The following NELL2 variants were observed in gnomAD, a reference collection of about 807,000 sequenced individuals.
NELL2 encodes the protein neural EGFL like 2.
NELL2 carries 41 observed loss-of-function variants against 109.6 expected under a neutral mutation model. That is an observed-to-expected ratio of 0.37 (90% confidence interval 0.29 to 0.49). NELL2 has a LOEUF of 0.49. Among genes scored for constraint, NELL2 ranks in the 20% least tolerant of loss-of-function variants. The probability of loss-of-function intolerance (pLI) is 0.98; values close to 1 mark genes in which losing one functional copy is unlikely to be tolerated. For missense variants in NELL2, 900 were observed against 1,008.3 expected, an observed-to-expected ratio of 0.89 and a Z score of 1.45; for synonymous variants, 355 against 344.7, an observed-to-expected ratio of 1.03 and a Z score of -0.33.
intron 13 of NELL2, among the ~76,000 whole-genome samples, chr12:44,640,779 C>T (rs188067100): frequency 7.2e-5 from 11 of 152,134 alleles, no homozygotes; most frequent in Admixed American, 6.5e-4. Context: ...AAGAAGAATG[C>T]TTTTCTGTTC....
At chr12:44,742,008 C>T (rs910324557) in intron 9 of NELL2, among the ~76,000 whole-genome samples, 3 of 152,184 alleles carry the variant, frequency 2.0e-5, no homozygotes, top group African/African-American at 7.2e-5. Context: ...TGGCAGACTG[C>T]CTCCTCAAGT....
chr12:44,763,058 T>C (rs1014254038), intron 9 of NELL2, among the ~76,000 whole-genome samples: 1 of 152,194 alleles, frequency 6.6e-6, no homozygotes, highest in Non-Finnish European at 1.5e-5. Context: ...AATTCTTACA[T>C]CCCATTTCAT....
At chr12:44,816,418 G>T (rs145318055) in intron 2 of NELL2, among the ~76,000 whole-genome samples, 2 of 151,992 alleles carry the variant, frequency 1.3e-5, no homozygotes, top group Admixed American at 1.3e-4. Flanking sequence ...ACTTGGGGAC[G>T]TATACTCCCA....
chr12:44,727,943 G>A (rs1022702990), intron 9 of NELL2, among the ~76,000 whole-genome samples: 2 of 152,058 alleles, frequency 1.3e-5, no homozygotes. Context: ...CTTCAGTGAT[G>A]CTATTATATA....
chr12:44,832,483 T>A (rs1943918175), intron 2 of NELL2, among the ~76,000 whole-genome samples: 1 of 152,212 alleles, frequency 6.6e-6, no homozygotes, highest in Non-Finnish European at 1.5e-5. Context: ...ATTCTGTAAT[T>A]CTCCTTTTTA....
At chr12:44,744,188 T>A (rs879529386) in intron 9 of NELL2, among the ~76,000 whole-genome samples, 4 of 152,096 alleles carry the variant, frequency 2.6e-5, no homozygotes, top group Non-Finnish European at 2.9e-5. Context: ...AACAACCTGC[T>A]CTGGAATGAC....
chr12:44,611,046 G>T lies in NELL2; in HGVS notation c.1445-76C>A, dbSNP rs61323848. On this transcript the variant is annotated intron_variant, in intron 13 of 19. Transcript: ENST00000429094. ...TATTTTAAACTACACCTTCAGTCTTGGTTATTGCATGGTAAATTCTTTCAA... is the reference window on the plus strand; with the variant it reads ...TATTTTAAACTACACCTTCAGTCTTTGTTATTGCATGGTAAATTCTTTCAA... The T allele has an allele frequency of 5.7e-3, 8,108 of 1,428,580 alleles. 343 individuals are homozygous for T. The African/African-American group carries it at 0.093, about 16-fold the overall frequency. The allele number at this position is 1,428,580 out of a possible 1,614,324, so 88.5% of individuals were successfully genotyped here. A position where few individuals can be genotyped will look rare whatever the true frequency, so the allele number is the denominator to read the frequency against.
intron 10 of NELL2, 101 bp from the exon 11 acceptor site, chr12:44,711,495 A>G: frequency 1.0e-6 from 1 of 998,264 alleles, no homozygotes; most frequent in Non-Finnish European, 1.5e-6. Flanking sequence ...AGATCAAGAA[A>G]TTTTTGTCCT....
intron 18 of NELL2, among the ~76,000 whole-genome samples, chr12:44,521,556 G>T (rs1161958939): frequency 6.8e-6 from 1 of 147,848 alleles, no homozygotes; most frequent in Admixed American, 6.6e-5. Context: ...GGTTGCGGTG[G>T]TGGGGGAGGC....
At chr12:44,719,391 C>T (rs1383728967) in intron 9 of NELL2, among the ~76,000 whole-genome samples, 1 of 152,084 alleles carries the variant, frequency 6.6e-6, no homozygotes, top group Non-Finnish European at 1.5e-5. Flanking sequence ...AAAGAATCAT[C>T]TAAACCTATC....
At chr12:44,876,400 AGG>A, upstream of NELL2, 1 of 1,260,666 alleles carries the variant, frequency 7.9e-7, no homozygotes, top group Non-Finnish European at 1.0e-6. Flanking sequence ...AGGAGGAGGG[AGG>A]GGCCGCCGAG....
At chr12:44,720,792 T>C (rs940346523) in intron 9 of NELL2, among the ~76,000 whole-genome samples, 2 of 152,214 alleles carry the variant, frequency 1.3e-5, no homozygotes, top group Non-Finnish European at 2.9e-5. Flanking sequence ...AAACTAATAT[T>C]AGAGTTTAAG....
At chr12:44,751,776 T>A (rs982585339) in intron 9 of NELL2, among the ~76,000 whole-genome samples, 4 of 152,188 alleles carry the variant, frequency 2.6e-5, no homozygotes, top group African/African-American at 9.7e-5. Flanking sequence ...ACTTAAAATA[T>A]GTAAACTGAT....
intron 13 of NELL2, among the ~76,000 whole-genome samples, chr12:44,634,082 G>C (rs1329816498): frequency 6.6e-6 from 1 of 152,076 alleles, no homozygotes; most frequent in Non-Finnish European, 1.5e-5. Context: ...TTAAGAAAAT[G>C]TACATGAAAT....
chr12:44,655,616 T>C (rs1947472360), intron 13 of NELL2, among the ~76,000 whole-genome samples: 1 of 152,214 alleles, frequency 6.6e-6, no homozygotes, highest in African/African-American at 2.4e-5. Context: ...TTTCTAAATG[T>C]GGCCTGAAGT....
intron 12 of NELL2, among the ~76,000 whole-genome samples, chr12:44,681,310 G>A (rs557978279): frequency 3.3e-4 from 50 of 149,356 alleles, no homozygotes; most frequent in Admixed American, 6.0e-4. Flanking sequence ...CACTGTATAC[G>A]TTTTAATCAT....
intron 9 of NELL2, among the ~76,000 whole-genome samples, chr12:44,746,893 A>G (rs1357167803): frequency 1.3e-5 from 2 of 152,200 alleles, no homozygotes; most frequent in Non-Finnish European, 2.9e-5. Flanking sequence ...CAGTGTGGCG[A>G]TTCTTCAGGG....
At position 44,681,889 on chromosome 12, in the gene NELL2, T is replaced by A. The variant is rs573506424; in HGVS notation, c.1319-16280A>T. Among the ~76,000 whole-genome samples, 8 of 151,802 alleles carry A rather than the reference T, an allele frequency of 5.3e-5. No homozygotes were observed. The South Asian group carries it at 1.7e-3, about 31-fold the overall frequency. On this transcript the variant is annotated intron_variant, in intron 12 of 19. Transcript: ENST00000429094. ...GCCGCAATAAACATACGTGTGCATG[T>A]GTCTTTATAGCAGCATGATTTATAG...
chr12:44,795,093 T>C (rs946085029), intron 3 of NELL2, among the ~76,000 whole-genome samples: 9 of 152,066 alleles, frequency 5.9e-5, no homozygotes, highest in African/African-American at 1.7e-4. Context: ...CCTTCATCAC[T>C]CAAGATCAAA....
Sources: gnomAD v4.1 joint callset for allele counts (sites outside exome capture counted in the v4.1 genomes callset) on GRCh38, gnomAD v4.1.1 for gene constraint, MANE v1.5 for transcripts, NCBI Gene and HGNC (gene_info 2026-07-23, HGNC 2026-07-21) for gene names.